DGKB: variants seen among roughly 807,000 people sequenced by gnomAD.
The protein encoded by DGKB is diacylglycerol kinase beta.
A neutral mutation model predicts 114.3 loss-of-function variants in DGKB; 67 were observed. The ratio of observed to expected loss-of-function variants is 0.59; its 90% confidence interval spans 0.48 to 0.72. The LOEUF (loss-of-function observed/expected upper bound fraction) is 0.72. Among genes scored for constraint, DGKB ranks in the 30% least tolerant of loss-of-function variants. The pLI is 0.00. For missense variants in DGKB, 907 were observed against 975.2 expected, an observed-to-expected ratio of 0.93 and a Z score of 0.93; for synonymous variants, 398 against 323.1, an observed-to-expected ratio of 1.23 and a Z score of -2.49.
chr7:14,168,985 A>G (rs1562519068), intron 25 of DGKB, among the ~76,000 whole-genome samples: 1 of 152,214 alleles, frequency 6.6e-6, no homozygotes, highest in Admixed American at 6.5e-5. Flanking sequence ...AGGACAGAAT[A>G]ATTAATTCAG....
At chr7:14,800,176 G>A (rs578237721) in intron 2 of DGKB, among the ~76,000 whole-genome samples, 8 of 152,172 alleles carry the variant, frequency 5.3e-5, no homozygotes, top group South Asian at 2.1e-4. Context: ...TCGGCCTCCC[G>A]AAGTGCTGGA....
chr7:14,949,626 G>T (rs1786065583), intron 1 of DGKB, among the ~76,000 whole-genome samples: 1 of 151,806 alleles, frequency 6.6e-6, no homozygotes, highest in Non-Finnish European at 1.5e-5. Context: ...TAAATTTGAT[G>T]AAAAACATTG....
intron 21 of DGKB, among the ~76,000 whole-genome samples, chr7:14,430,641 T>G (rs1051584551): frequency 3.3e-5 from 5 of 152,200 alleles, no homozygotes; most frequent in African/African-American, 1.2e-4. Flanking sequence ...CAATAAAGTT[T>G]CATTTTAGAT....
At chr7:14,434,840 G>A (rs1776631986) in intron 21 of DGKB, among the ~76,000 whole-genome samples, 1 of 152,116 alleles carries the variant, frequency 6.6e-6, no homozygotes, top group African/African-American at 2.4e-5. Context: ...ACCAGTAAGA[G>A]TATGACGTTA....
chr7:14,719,600 T>C (rs532404738), intron 5 of DGKB, among the ~76,000 whole-genome samples: 3 of 152,190 alleles, frequency 2.0e-5, no homozygotes, highest in East Asian at 1.9e-4. Flanking sequence ...CTGTAAGGAA[T>C]AATTTGAACC....
Position 14,682,620 on chromosome 7 carries a change from T to C in DGKB, c.968A>G (p.Lys323Arg). Residue 323 changes from lysine to arginine, a missense_variant, in exon 12 of 26, where the codon AAG becomes AGG. Around this residue, in one of 3 missense-constraint regions of DGKB, gnomAD observed 814 missense variants for 856.6 expected, o/e 0.95. Coordinates refer to ENST00000402815, the MANE Select transcript of DGKB (RefSeq NM_001350709.2). ...GTAACATTTAACAGTTTTGTGGCAC[T>C]TATCACACTTGGTTGGGCAGTTACC... is the stretch of plus-strand genomic sequence containing the variant. ...VEGNCPTKCD[K>R]CHKTVKCYQG... The C allele has an allele frequency of 6.2e-7, 1 of 1,613,640 alleles. No individual in the cohort carries two copies. The highest frequency in any genetic ancestry group is 8.5e-7 in the Non-Finnish European group (1 of 1,179,636).
At chr7:14,974,549 T>C (rs1229814890) in intron 1 of DGKB, 1 of 152,106 alleles carries the variant, frequency 6.6e-6, no homozygotes, top group Non-Finnish European at 1.5e-5. Context: ...TATAACTGAA[T>C]TGTACTTTAA....
chr7:14,650,097 A>T (rs1191058468), intron 13 of DGKB, among the ~76,000 whole-genome samples: 3 of 151,252 alleles, frequency 2.0e-5, no homozygotes, highest in African/African-American at 7.3e-5. Flanking sequence ...CGAGACAGAA[A>T]GTCAACAAGG....
chr7:14,456,078 A>T (rs62443311), intron 21 of DGKB, among the ~76,000 whole-genome samples: 11,738 of 152,050 alleles, frequency 0.077, 582 homozygotes, highest in East Asian at 0.21. Flanking sequence ...AAAATTCAAC[A>T]CGTAAGTACT....
At chr7:14,801,395 A>G (rs1157554311) in intron 2 of DGKB, among the ~76,000 whole-genome samples, 4 of 152,122 alleles carry the variant, frequency 2.6e-5, no homozygotes, top group East Asian at 1.9e-4. Context: ...TTGTGTGTCA[A>G]TTTGACTGGG....
At chr7:14,872,863 C>T (rs1451961183) in intron 1 of DGKB, among the ~76,000 whole-genome samples, 1 of 149,828 alleles carries the variant, frequency 6.7e-6, no homozygotes, top group African/African-American at 2.4e-5. Context: ...TAATATTTTC[C>T]AATTTAAAAA....
intron 21 of DGKB, among the ~76,000 whole-genome samples, chr7:14,446,682 T>C (rs984194584): frequency 2.0e-5 from 3 of 152,184 alleles, no homozygotes; most frequent in African/African-American, 7.2e-5. Context: ...TCAATTTGTA[T>C]GAAAAGAAGT....
chr7:14,749,973 G>C (rs1833876096), intron 4 of DGKB, among the ~76,000 whole-genome samples: 2 of 152,104 alleles, frequency 1.3e-5, no homozygotes, highest in Admixed American at 1.3e-4. Flanking sequence ...GCATCACTAA[G>C]TGTATGACAC....
chr7:14,389,216 G>A (rs938818556), intron 21 of DGKB, among the ~76,000 whole-genome samples: 4 of 152,070 alleles, frequency 2.6e-5, no homozygotes, highest in East Asian at 3.9e-4. Flanking sequence ...GTGTGGGACC[G>A]AGGAATCATG....
intron 21 of DGKB, among the ~76,000 whole-genome samples, chr7:14,401,987 C>CACA (rs1384263066): frequency 0.059 from 8,798 of 149,828 alleles, 280 homozygotes; most frequent in Middle Eastern, 0.075. Flanking sequence ...CACACACACA[C>CACA]CCGCTATTCA....
At chr7:14,708,995 C>A (rs920051259) in intron 6 of DGKB, among the ~76,000 whole-genome samples, 6 of 149,690 alleles carry the variant, frequency 4.0e-5, no homozygotes, top group Admixed American at 1.3e-4. Flanking sequence ...AGCTTCTGCA[C>A]AGCAAAAGAA....
chr7:14,486,385 T>C (rs1783812455), intron 20 of DGKB, among the ~76,000 whole-genome samples: 1 of 152,210 alleles, frequency 6.6e-6, no homozygotes, highest in South Asian at 2.1e-4. Flanking sequence ...TCATGCAGAA[T>C]ACTGGGGTAG....
Position 14,149,089 on chromosome 7 carries a change from C to A in DGKB, c.*42G>T, listed in dbSNP as rs180840199. 1.1e-4 allele frequency: 172 copies of A among 1,527,696 alleles called. 1 individual carries two copies. The African/African-American group carries it at 2.2e-3, about 20-fold the overall frequency. The allele number at this position is 1,527,696 out of a possible 1,614,324, so 94.6% of individuals were successfully genotyped here. On this transcript the variant is annotated 3_prime_UTR_variant, in exon 26 of 26. Transcript: ENST00000402815. ...TTTCCAGCATATGTGTTCCATGGCCCAATTATGCTAATTCAATTTCTAAGA... is the reference window on the plus strand; with the variant it reads ...TTTCCAGCATATGTGTTCCATGGCCAAATTATGCTAATTCAATTTCTAAGA...
In DGKB at chr7:14,147,154, G is replaced by A. The variant is rs1165773428; in HGVS notation, c.*1977C>T. 1 of 152,106 alleles carries A rather than the reference G, an allele frequency of 6.6e-6. No individual in the cohort carries two copies. The highest frequency in any genetic ancestry group is 1.5e-5 in the Non-Finnish European group (1 of 67,988). The allele number at this position is 152,106 out of a possible 1,614,324, so 9.4% of individuals were successfully genotyped here. A position where few individuals can be genotyped will look rare whatever the true frequency, so the allele number is the denominator to read the frequency against. On this transcript the variant is annotated 3_prime_UTR_variant, in exon 26 of 26. Transcript: ENST00000402815. The stretch of plus-strand genomic sequence containing the variant: ...CAATGTGTGTGTTACGTAACATTAT[G>A]TCAGTAATGTACTTGTTACTGTTTT...
Sources: allele counts gnomAD v4.1 joint callset (sites outside exome capture counted in the v4.1 genomes callset), GRCh38; gene constraint gnomAD v4.1.1; regional missense constraint gnomAD v4.1.1; transcripts MANE v1.5; gene names NCBI Gene and HGNC (gene_info 2026-07-23, HGNC 2026-07-21).